Variants in MAP3K19 observed in about 807,000 individuals in gnomAD.
MAP3K19 encodes SPS1/STE20-related protein kinase YSK4.
Under a neutral mutation model 114.4 loss-of-function variants are expected in MAP3K19, and 91 were observed. The ratio of observed to expected loss-of-function variants is 0.80; its 90% confidence interval spans 0.67 to 0.95. The LOEUF is 0.95. Ranked by LOEUF, MAP3K19 falls within the 40% of genes least tolerant of loss-of-function variation. The pLI is 0.00. For missense variants in MAP3K19, 1,471 were observed against 1,573.2 expected (o/e 0.94, Z 1.10); for synonymous variants, 518 against 530.5 (o/e 0.98, Z 0.32).
chr2:135,040,762 A>C (rs1253267215), intron 1 of MAP3K19, among the ~76,000 whole-genome samples: 5 of 152,226 alleles, frequency 3.3e-5, no homozygotes. Context: ...ATTAGGAAGA[A>C]TAATAATTTC....
chr2:135,037,574 G>A (rs1234541382), intron 2 of MAP3K19, among the ~76,000 whole-genome samples: 1 of 152,044 alleles, frequency 6.6e-6, no homozygotes, highest in Non-Finnish European at 1.5e-5. Flanking sequence ...ACATTGTTAG[G>A]AGGCATGTCT....
At chr2:135,038,314 T>G (rs563474023) in intron 2 of MAP3K19, among the ~76,000 whole-genome samples, 73 of 152,042 alleles carry the variant, frequency 4.8e-4, no homozygotes, top group African/African-American at 1.7e-3. Context: ...TATGTATGTA[T>G]GTATATATGT....
intron 12 of MAP3K19, among the ~76,000 whole-genome samples, chr2:134,974,585 G>A (rs893687287): frequency 6.6e-6 from 1 of 152,110 alleles, no homozygotes; most frequent in Admixed American, 6.5e-5. Context: ...TCTTTAAATA[G>A]ATTTTCTATA....
At chr2:134,969,454 G>A (rs1397275441) in intron 12 of MAP3K19, among the ~76,000 whole-genome samples, 1 of 152,162 alleles carries the variant, frequency 6.6e-6, no homozygotes, top group Admixed American at 6.5e-5. Context: ...GGATAAGATG[G>A]TAGGTATCTC....
rs567511187 is a variant in MAP3K19 at position 134,971,735 on chromosome 2, T to A, written c.3921-6819A>T. Among the ~76,000 whole-genome samples, 121 of 152,258 alleles carry A rather than the reference T, an allele frequency of 7.9e-4. 1 individual carries two copies. The South Asian group carries it at 0.017, about 21-fold the overall frequency. ...TTCATAATGTTCTCTGGTGGGTTTT[T>A]TCATTTCTGTGGTATTAGTTGTTAT... On this transcript the variant is annotated intron_variant, in intron 12 of 12. Coordinates refer to ENST00000392915, the MANE Select transcript of MAP3K19 (RefSeq NM_025052.5).
In MAP3K19 at chr2:135,037,273, C is replaced by T. The variant is rs530385016; in HGVS notation, c.-284+3090G>A. Among the ~76,000 whole-genome samples the T allele has an allele frequency of 1.1e-3, 172 of 152,382 alleles. 1 individual carries two copies. Among genetic ancestry groups the T allele is most frequent in the African/African-American group, 3.7e-3 (155 of 41,590 alleles). ...TCGGCCTCCCAAAGTGCTGGGATTA[C>T]AGGCGTGAGCCATCACCTGGTTTTT... On this transcript the variant is annotated intron_variant, in intron 2 of 12. Coordinates refer to ENST00000392915, the MANE Select transcript of MAP3K19 (RefSeq NM_025052.5).
intron 4 of MAP3K19, among the ~76,000 whole-genome samples, chr2:135,024,312 C>T (rs1259047654): frequency 3.3e-5 from 5 of 150,996 alleles, no homozygotes; most frequent in African/African-American, 1.2e-4. Context: ...CTATATCAAA[C>T]CTTCCCACTG....
chr2:134,979,565 A>G (rs1472825485), intron 12 of MAP3K19, among the ~76,000 whole-genome samples: 1 of 152,016 alleles, frequency 6.6e-6, no homozygotes, highest in Non-Finnish European at 1.5e-5. Context: ...GGAACAAAGC[A>G]ACTACAATAG....
intron 8 of MAP3K19, among the ~76,000 whole-genome samples, chr2:134,997,969 C>T (rs1686144530): frequency 6.6e-6 from 1 of 152,062 alleles, no homozygotes; most frequent in Non-Finnish European, 1.5e-5. Flanking sequence ...TGTGATAAAT[C>T]AATGAATGTA....
chr2:134,987,418 A>G lies in MAP3K19; in HGVS notation c.1454T>C (p.Ile485Thr). ...KPEMSRMVPLIHITFPVDGSP... is the reference protein window; with the variant it reads ...KPEMSRMVPLTHITFPVDGSP... ...TCCATCCACAGGGAAGGTGATGTGG[A>G]TAAGAGGCACCATCCTACTCATTTC... The change falls in exon 10 of 13, where the codon ATC becomes ACC. Residue 485 changes from isoleucine (I) to threonine (T), a missense_variant. Coordinates refer to ENST00000392915, the MANE Select transcript of MAP3K19 (RefSeq NM_025052.5). The G allele has an allele frequency of 6.2e-7, 1 of 1,614,140 alleles. No homozygotes were observed. The highest frequency in any genetic ancestry group is 1.1e-5 in the South Asian group (1 of 91,080).
At chr2:135,000,065 C>T (rs779804542) in intron 6 of MAP3K19, 50 bp from the exon 7 acceptor site, 11 of 1,239,448 alleles carry the variant, frequency 8.9e-6, no homozygotes, top group South Asian at 2.4e-5. Flanking sequence ...TGAATTCCAG[C>T]GGAAAGCGGG....
At chr2:134,969,245 G>A (rs1445859047) in intron 12 of MAP3K19, among the ~76,000 whole-genome samples, 2 of 152,108 alleles carry the variant, frequency 1.3e-5, no homozygotes, top group Admixed American at 6.6e-5. Context: ...GCAGGCACTC[G>A]GCAGGCTGAG....
intron 5 of MAP3K19, among the ~76,000 whole-genome samples, chr2:135,018,485 C>T (rs1227845612): frequency 6.6e-6 from 1 of 151,968 alleles, no homozygotes; most frequent in Non-Finnish European, 1.5e-5. Context: ...TACAGGTATA[C>T]ACCACCATGC....
At chr2:135,016,487 T>C (rs1687593024) in intron 5 of MAP3K19, among the ~76,000 whole-genome samples, 2 of 152,244 alleles carry the variant, frequency 1.3e-5, no homozygotes, top group African/African-American at 4.8e-5. Flanking sequence ...TCAGTATTCT[T>C]GGCCTTTTGC....
At chr2:135,030,737 T>C (rs1688360838) in intron 2 of MAP3K19, among the ~76,000 whole-genome samples, 1 of 152,178 alleles carries the variant, frequency 6.6e-6, no homozygotes, top group African/African-American at 2.4e-5. Context: ...AACATTGAAG[T>C]TTTATAACTG....
At chr2:135,022,418 C>G (rs1439951846) in intron 4 of MAP3K19, among the ~76,000 whole-genome samples, 1 of 152,164 alleles carries the variant, frequency 6.6e-6, no homozygotes, top group African/African-American at 2.4e-5. Context: ...GATGACCCAT[C>G]ATTACAGACT....
At chr2:135,046,332 C>T (rs762541942) in intron 1 of MAP3K19, among the ~76,000 whole-genome samples, 15 of 152,106 alleles carry the variant, frequency 9.9e-5, no homozygotes, top group Admixed American at 2.6e-4. Flanking sequence ...GACTGGAGTA[C>T]AGTGGCACAA....
chr2:134,991,302 A>AAAAAC lies in MAP3K19; in HGVS notation c.618+230_618+234dup, dbSNP rs144837592. ...GGTGACAGAGTGAGACTCTGTCTCAAAAAACAAAACAAAACAAAACAAAAC... is the reference window on the plus strand; with the variant it reads ...GGTGACAGAGTGAGACTCTGTCTCAAAAAACAAAACAAAACAAAACAAAACAAAAC... On this transcript the variant is annotated intron_variant, in intron 9 of 12. Coordinates refer to ENST00000392915, the MANE Select transcript of MAP3K19 (RefSeq NM_025052.5). The AAAAAC allele has an allele frequency of 0.024, 11,194 of 472,478 alleles. 1,091 individuals carry two copies. In the East Asian group the frequency reaches 0.29, roughly 12 times the overall value. The allele number at this position is 472,478 out of a possible 1,614,324, so 29.3% of individuals were successfully genotyped here.
chr2:135,021,820 A>G lies in MAP3K19; in HGVS notation c.33T>C (p.Ala11=). The G allele has an allele frequency of 6.3e-7, 1 of 1,595,508 alleles. No homozygotes were observed. Among genetic ancestry groups the G allele is most frequent in the Non-Finnish European group, 8.6e-7 (1 of 1,169,082 alleles). MSSMPKPERH[A]ESLLDICHDT... is the part of the protein sequence containing the mutation. ...CATGACAAATGTCAAGCAATGACTC[A>G]GCATGTCTTTCTATCAAAAGAAACA... The change falls in exon 5 of 13, where the codon GCT becomes GCC. Residue 11 remains alanine (A), a synonymous_variant. Transcript: ENST00000392915.
Sources: gnomAD v4.1 joint callset for allele counts (sites outside exome capture counted in the v4.1 genomes callset) on GRCh38, gnomAD v4.1.1 for gene constraint, MANE v1.5 for transcripts, NCBI Gene and HGNC (gene_info 2026-07-23, HGNC 2026-07-21) for gene names.